Variants in MACF1 observed in about 807,000 individuals in gnomAD.
MACF1 encodes microtubule-actin cross-linking factor 1.
MACF1 carries 193 observed loss-of-function variants against 854.8 expected under a neutral mutation model. The ratio of observed to expected loss-of-function variants is 0.23; its 90% CI spans 0.20 to 0.25. The LOEUF is 0.25. Among genes scored for constraint, MACF1 ranks in the 10% least tolerant of loss-of-function variants. MACF1 has a pLI of 1.00. For synonymous variants in MACF1, 3,185 were observed against 3,226.7 expected (o/e 0.99, Z 0.44); for missense variants, 7,722 against 8,929.1 (o/e 0.86, Z 5.45).
At chr1:39,115,652 T>TG (rs1642525396) in intron 2 of MACF1, among the ~76,000 whole-genome samples, 1 of 151,754 alleles carries the variant, frequency 6.6e-6, no homozygotes, top group African/African-American at 2.4e-5. Flanking sequence ...GGTGAGAGGG[T>TG]GAGAGAGTCA....
At chr1:39,410,546 A>T in intron 58 of MACF1, 1 of 1,614,046 alleles carries the variant, frequency 6.2e-7, no homozygotes, top group Non-Finnish European at 8.5e-7. Flanking sequence ...AAGAAGCTGG[A>T]TGAGAGGATA....
At chr1:39,420,991 G>A (rs558086172) in intron 58 of MACF1, among the ~76,000 whole-genome samples, 3 of 150,316 alleles carry the variant, frequency 2.0e-5, no homozygotes, top group Admixed American at 6.7e-5. Context: ...TCAGCCTCCC[G>A]AGTAGCTGGG....
Position 39,434,532 on chromosome 1 carries a change from A to G in MACF1, c.17684A>G (p.Glu5895Gly). Reference sequence around the variant, plus strand: ...AACCAGTTTTGGGAAACTTATGAAGAGCTCAGCCCCTGGATTGAGGAAACT... The same window carrying G: ...AACCAGTTTTGGGAAACTTATGAAGGGCTCAGCCCCTGGATTGAGGAAACT... ...LVNQFWETYEELSPWIEETRA... is the reference protein window; with the variant it reads ...LVNQFWETYEGLSPWIEETRA... Residue 5895 changes from glutamate to glycine, a missense_variant, in exon 69 of 101, where the codon GAG becomes GGG. By Grantham distance (98) the Glu-to-Gly change is moderately conservative (BLOSUM62 -2). Around this residue, in one of 15 missense-constraint regions of MACF1, gnomAD observed 2,807 missense variants for 3,235.8 expected, o/e 0.87. Transcript: ENST00000564288. 1 of 1,614,136 alleles carries G rather than the reference A, an allele frequency of 6.2e-7. No individual in the cohort carries two copies. Among genetic ancestry groups the G allele is most frequent in the Non-Finnish European group, 8.5e-7 (1 of 1,180,026 alleles).
intron 2 of MACF1, among the ~76,000 whole-genome samples, chr1:39,128,216 T>C (rs546922603): frequency 6.6e-6 from 1 of 152,282 alleles, no homozygotes; most frequent in South Asian, 2.1e-4. Flanking sequence ...TTTTATTTTT[T>C]ATTTTTTTTT....
intron 2 of MACF1, among the ~76,000 whole-genome samples, chr1:39,094,403 C>CAA (rs535765878): frequency 8.1e-6 from 1 of 123,862 alleles, no homozygotes. Flanking sequence ...ATTTTGTCTC[C>CAA]AAAAAAAAAA....
intron 5 of MACF1, 110 bp from the exon 6 acceptor site, chr1:39,257,826 A>T: frequency 1.3e-6 from 1 of 777,100 alleles, no homozygotes; most frequent in African/African-American, 1.7e-5. Flanking sequence ...ATAGAACTGT[A>T]CACCAAAAAA....
chr1:39,296,728 TAAAAAGAA>T (rs1417021890), intron 20 of MACF1, among the ~76,000 whole-genome samples: 1 of 71,766 alleles, frequency 1.4e-5, no homozygotes, highest in African/African-American at 7.4e-5. Context: ...AGTGTCTAAA[TAAAAAGAA>T]AGAAAGAAAG....
intron 40 of MACF1, among the ~76,000 whole-genome samples, chr1:39,341,837 G>A (rs1171849628): frequency 6.6e-6 from 1 of 150,954 alleles, no homozygotes; most frequent in Non-Finnish European, 1.5e-5. Flanking sequence ...TCTAGGATCC[G>A]TCCTTTGTTT....
chr1:39,451,252 T>C (rs1379380740), intron 85 of MACF1, 41 bp downstream of exon 85: 1 of 1,592,974 alleles, frequency 6.3e-7, no homozygotes, highest in Non-Finnish European at 8.6e-7. Flanking sequence ...GCAGTGGGTC[T>C]TCTGTATATG....
upstream of MACF1, among the ~76,000 whole-genome samples, chr1:39,202,256 A>G (rs1339857193): frequency 7.0e-6 from 1 of 142,842 alleles, no homozygotes; most frequent in Non-Finnish European, 1.5e-5. Flanking sequence ...GTGAGCCACC[A>G]CGCCCGGCCT....
chr1:39,092,484 T>TTATA (rs1235174542), intron 2 of MACF1, among the ~76,000 whole-genome samples: 2 of 152,324 alleles, frequency 1.3e-5, no homozygotes, highest in East Asian at 3.9e-4. Flanking sequence ...TTGTCTGAGG[T>TTATA]TATACACTGA....
At chr1:39,323,078 G>T in intron 33 of MACF1, 70 bp downstream of exon 33, 1 of 1,436,022 alleles carries the variant, frequency 7.0e-7, no homozygotes, top group Admixed American at 1.7e-5. Context: ...GGTGGTGTGT[G>T]CCTGTAGTCT....
In MACF1 at chr1:39,195,023, A is replaced by G. The variant is rs77403661; in HGVS notation, c.221-36159A>G. ...AGTTTAATTTCTGAATTAATAAACT[A>G]TCTTCCTTCCAGCTCCAAGGAAAAG... is the stretch of plus-strand genomic sequence containing the variant. On this transcript the variant is annotated intron_variant, in intron 2 of 93. Coordinates refer to the MACF1 transcript ENST00000361689. Among the ~76,000 whole-genome samples the G allele has an allele frequency of 6.1e-4, 93 of 152,344 alleles. No homozygotes were observed. In the East Asian group the frequency reaches 0.016, roughly 26 times the overall value.
intron 14 of MACF1, 68 bp from the exon 15 acceptor site, chr1:39,287,218 A>C (rs757974132): frequency 6.1e-6 from 9 of 1,480,880 alleles, no homozygotes; most frequent in Non-Finnish European, 7.3e-6. Flanking sequence ...ATGGATAAGG[A>C]AGATTTTATT....
At chr1:39,138,711 C>G (rs1208985960) in intron 2 of MACF1, among the ~76,000 whole-genome samples, 1 of 151,962 alleles carries the variant, frequency 6.6e-6, no homozygotes, top group Middle Eastern at 3.2e-3. Context: ...GTCACCCACG[C>G]TGTAGTGCAA....
chr1:39,458,357 T>C lies in MACF1; in HGVS notation c.21076-13T>C. On this transcript the variant is annotated splice_polypyrimidine_tract_variant and intron_variant, in intron 89 of 100. Transcript: ENST00000564288. ...AATATTTAACTCTTTTTCCTATTTT[T>C]TGTGTTTAACAGACATTTATGGAGG... 1 of 1,611,054 alleles carries C rather than the reference T, an allele frequency of 6.2e-7. No individual in the cohort carries two copies. Among genetic ancestry groups the C allele is most frequent in the Non-Finnish European group, 8.5e-7 (1 of 1,179,030 alleles).
intron 1 of MACF1, chr1:39,206,930 T>C (rs1644456608): frequency 1.3e-5 from 2 of 152,056 alleles, no homozygotes; most frequent in African/African-American, 2.4e-5. Flanking sequence ...GTACTATTAA[T>C]AAATGTACAC....
intron 3 of MACF1, among the ~76,000 whole-genome samples, chr1:39,250,440 T>C (rs1391144334): frequency 1.3e-5 from 2 of 152,212 alleles, no homozygotes; most frequent in African/African-American, 2.4e-5. Context: ...TTTTTTTGAA[T>C]TAGGTGTATT....
At chr1:39,242,832 G>T (rs1364181008) in intron 2 of MACF1, among the ~76,000 whole-genome samples, 2 of 151,922 alleles carry the variant, frequency 1.3e-5, no homozygotes, top group African/African-American at 4.8e-5. Flanking sequence ...ATCTCTTGAG[G>T]CCAGGAGTTT....
Sources: gnomAD v4.1 joint callset for allele counts (sites outside exome capture counted in the v4.1 genomes callset) on GRCh38, gnomAD v4.1.1 for gene constraint, gnomAD v4.1.1 regional missense constraint, MANE v1.5 for transcripts, NCBI Gene and HGNC (gene_info 2026-07-23, HGNC 2026-07-21) for gene names.